Variants in SIGLEC9 observed in about 807,000 individuals in gnomAD.
The protein encoded by SIGLEC9 is sialic acid binding Ig like lectin 9, also known as sialic acid-binding Ig-like lectin 9.
Under a neutral mutation model 38.3 loss-of-function variants are expected in SIGLEC9, and 26 were observed. The ratio of observed to expected loss-of-function variants is 0.68; its 90% CI spans 0.50 to 0.94. The LOEUF (loss-of-function observed/expected upper bound fraction) is 0.94. Among genes scored for constraint, SIGLEC9 ranks in the 40% least tolerant of loss-of-function variants. The pLI is 0.00. For synonymous variants in SIGLEC9, 236 were observed against 248.0 expected (o/e 0.95, Z 0.45); for missense variants, 556 against 585.7 (o/e 0.95, Z 0.52).
chr19:51,128,790 G>A (rs1024104553), intron 6 of SIGLEC9: 6 of 392,792 alleles, frequency 1.5e-5, no homozygotes, highest in Admixed American at 4.1e-5. Context: ...TGCCTGGGGG[G>A]ACTGTCCAGA....
chr19:51,123,780 T>A (rs2091957875), upstream of SIGLEC9, among the ~76,000 whole-genome samples: 1 of 152,182 alleles, frequency 6.6e-6, no homozygotes, highest in Non-Finnish European at 1.5e-5. Context: ...TGGCTTATAT[T>A]TCTCCCAAAA....
rs273687 is a variant in SIGLEC9, at chr19:51,125,616, C to G, written c.441C>G (p.Asn147Lys). 16 of 1,611,626 alleles carry G rather than the reference C, an allele frequency of 9.9e-6. No individual in the cohort carries two copies. Among genetic ancestry groups the G allele is most frequent in the Non-Finnish European group, 1.2e-5 (14 of 1,179,972 alleles). Reference sequence around the variant, plus strand: ...CACCAGCCTTGACCCACAGGCCCAACATCCTCATCCCAGGCACCCTGGAGT... The same window carrying G: ...CACCAGCCTTGACCCACAGGCCCAAGATCCTCATCCCAGGCACCCTGGAGT... ...VNVTALTHRP[N>K]ILIPGTLESG... The change falls in exon 2 of 7, where the codon AAC (asparagine) becomes AAG (lysine). Residue 147 changes from asparagine to lysine, a missense_variant. Physicochemically the swap from Asn to Lys is moderately conservative, Grantham distance 94 (BLOSUM62 0). Transcript: ENST00000250360.
Position 51,130,048 on chromosome 19 carries a change from C to A in SIGLEC9, c.1361C>A (p.Thr454Asn). The change falls in exon 7 of 7, where the codon ACC becomes AAC. Residue 454 changes from threonine to asparagine, a missense_variant. By Grantham distance (65) the Thr-to-Asn change is moderately conservative. Coordinates refer to ENST00000250360, the MANE Select transcript of SIGLEC9 (RefSeq NM_014441.3). ...TCGCGGGGACAGGAGGCCACTGACA[C>A]CGAGTACTCGGAGATCAAGATCCAC... is the stretch of plus-strand genomic sequence containing the variant. The part of the protein sequence containing the change: ...WDSRGQEATD[T>N]EYSEIKIHR 6.2e-7 allele frequency: 1 copy of A among 1,613,310 alleles called. No individual in the cohort carries two copies. The highest frequency in any genetic ancestry group is 8.5e-7 in the Non-Finnish European group (1 of 1,179,628).
chr19:51,127,742 A>G (rs576998918), intron 4 of SIGLEC9, among the ~76,000 whole-genome samples: 4 of 128,630 alleles, frequency 3.1e-5, no homozygotes, highest in Non-Finnish European at 5.9e-5. Context: ...TAAAATTGTG[A>G]AAAAAAACCC....
chr19:51,120,899 G>T (rs1431167634), upstream of SIGLEC9: 1 of 150,718 alleles, frequency 6.6e-6, no homozygotes, highest in Non-Finnish European at 1.5e-5. The surrounding 1 kb of genome is among the most constrained non-coding windows in gnomAD (Gnocchi z 4.1). Flanking sequence ...AGGCTTGAGT[G>T]CAGTGGCGCA....
chr19:51,131,012 C>A (rs1165676484), downstream of SIGLEC9, among the ~76,000 whole-genome samples: 10 of 152,184 alleles, frequency 6.6e-5, no homozygotes, highest in Admixed American at 1.3e-4. Flanking sequence ...GAGAGTGAAG[C>A]AGCAGCTCAT....
intron 6 of SIGLEC9, among the ~76,000 whole-genome samples, chr19:51,129,408 C>T (rs2092002046): frequency 6.6e-6 from 1 of 151,906 alleles, no homozygotes; most frequent in Admixed American, 6.6e-5. Flanking sequence ...ATCTGCCCAC[C>T]TTGGCTTCCC....
At chr19:51,125,576 G>A (rs1426826847) in intron 1 of SIGLEC9, 21 bp from the exon 2 acceptor site, 4 of 1,607,050 alleles carry the variant, frequency 2.5e-6, no homozygotes, top group Non-Finnish European at 3.4e-6. Flanking sequence ...ACCTGATCCT[G>A]AGTCCCCCTC....
chr19:51,125,955 T>C, intron 2 of SIGLEC9, 80 bp downstream of exon 2: 1 of 1,597,328 alleles, frequency 6.3e-7, no homozygotes, highest in South Asian at 1.1e-5. Flanking sequence ...TCCCGGAATC[T>C]GGGCTGGTGG....
At chr19:51,135,673 A>G (rs1165712427) in intron 6 of SIGLEC9, among the ~76,000 whole-genome samples, 1 of 152,192 alleles carries the variant, frequency 6.6e-6, no homozygotes, top group Non-Finnish European at 1.5e-5. Context: ...AATATGTTTT[A>G]TAAGTTGCTG....
At chr19:51,127,377 T>C in intron 4 of SIGLEC9, 81 bp downstream of exon 4, 1 of 1,416,922 alleles carries the variant, frequency 7.1e-7, no homozygotes, top group Non-Finnish European at 9.5e-7. Flanking sequence ...AGCGTGGACC[T>C]TCAGAGAGGA....
chr19:51,129,581 G>T lies in SIGLEC9; in HGVS notation c.1204-310G>T, dbSNP rs942055157. Among the ~76,000 whole-genome samples, 7 of 151,960 alleles carry T rather than the reference G, an allele frequency of 4.6e-5. No individual in the cohort carries two copies. In the East Asian group the frequency reaches 1.4e-3, roughly 29 times the overall value. On this transcript the variant is annotated intron_variant, in intron 6 of 6. Transcript: ENST00000250360. Reference sequence around the variant, plus strand: ...TTTTTGTTTTTTGAGATGGAGTCTCGCTCTGTCACCCAGGATGTAGTGCAG... The same window carrying T: ...TTTTTGTTTTTTGAGATGGAGTCTCTCTCTGTCACCCAGGATGTAGTGCAG...
Position 51,126,482 on chromosome 19 carries a change from AT to A in SIGLEC9, c.748+355del. On this transcript the variant is annotated intron_variant, in intron 3 of 6. Coordinates refer to ENST00000250360, the MANE Select transcript of SIGLEC9 (RefSeq NM_014441.3). ...ACTTCTGGACAGGTGATAAATGTCC[AT>A]GGGCAAAAATTCAAATTGCAGAGCA... 2.0e-5 allele frequency among the ~76,000 whole-genome samples: 3 copies of A among 152,352 alleles called. 1 individual carries two copies. In the East Asian group the frequency reaches 5.8e-4, roughly 29 times the overall value.
chr19:51,130,963 T>C (rs2092011918), downstream of SIGLEC9, among the ~76,000 whole-genome samples: 1 of 152,112 alleles, frequency 6.6e-6, no homozygotes, highest in Admixed American at 6.5e-5. Flanking sequence ...TCTTTGAAAA[T>C]GGAGTTCAAG....
chr19:51,132,605 G>A (rs181703861), downstream of SIGLEC9, among the ~76,000 whole-genome samples: 98 of 152,282 alleles, frequency 6.4e-4, no homozygotes, highest in African/African-American at 2.1e-3. Flanking sequence ...AACACTTGGC[G>A]GACGGATTCT....
At chr19:51,125,550 C>T (rs1396486294) in intron 1 of SIGLEC9, 47 bp from the exon 2 acceptor site, 8 of 1,601,554 alleles carry the variant, frequency 5.0e-6, no homozygotes, top group African/African-American at 4.0e-5. Flanking sequence ...CCCAGGGCTG[C>T]ACCATGGATC....
At chr19:51,124,236 TC>T (rs1041559350), upstream of SIGLEC9, among the ~76,000 whole-genome samples, 3 of 152,000 alleles carry the variant, frequency 2.0e-5, no homozygotes, top group African/African-American at 7.3e-5. Context: ...CGAGCCAGGC[TC>T]CCCTCTGTGT....
chr19:51,127,531 A>C (rs1410903384), intron 4 of SIGLEC9, among the ~76,000 whole-genome samples: 1 of 152,006 alleles, frequency 6.6e-6, no homozygotes, highest in Admixed American at 6.6e-5. Context: ...GGGGCCGGAC[A>C]GGTGTGTTTA....
At chr19:51,120,547 C>A (rs564383369), upstream of SIGLEC9, 1 of 152,434 alleles carries the variant, frequency 6.6e-6, no homozygotes, top group Non-Finnish European at 1.5e-5. The surrounding 1 kb of genome is among the most constrained non-coding windows in gnomAD (Gnocchi z 4.1). Flanking sequence ...TGACTTGCAC[C>A]GTATCATGGG....
Sources: allele counts gnomAD v4.1 joint callset (sites outside exome capture counted in the v4.1 genomes callset), GRCh38; gene constraint gnomAD v4.1.1; non-coding constraint Gnocchi (gnomAD v3.1); transcripts MANE v1.5; gene names NCBI Gene and HGNC (gene_info 2026-07-23, HGNC 2026-07-21).